Variants in SCFD1 observed in about 807,000 individuals in gnomAD.
SCFD1 encodes sec1 family domain-containing protein 1.
SCFD1 carries 37 observed loss-of-function variants against 103.2 expected under a neutral mutation model. The observed-to-expected ratio is 0.36, with a 90% CI of 0.28 to 0.47. The LOEUF (loss-of-function observed/expected upper bound fraction) is 0.47. SCFD1 is among the 20% of genes least tolerant of loss of function. The probability of loss-of-function intolerance (pLI) is 1.00; values close to 1 mark genes in which losing one functional copy is unlikely to be tolerated. For missense variants in SCFD1, 639 were observed against 761.2 expected (o/e 0.84, Z 1.89); for synonymous variants, 264 against 245.0 (o/e 1.08, Z -0.73).
chr14:30,662,485 C>T (rs1013304385), intron 10 of SCFD1, among the ~76,000 whole-genome samples: 1 of 151,522 alleles, frequency 6.6e-6, no homozygotes, highest in Admixed American at 6.6e-5. Flanking sequence ...TAAATAGATT[C>T]TCCCTTGTAT....
chr14:30,638,472 A>G (rs1013681430), intron 5 of SCFD1, among the ~76,000 whole-genome samples: 1 of 152,232 alleles, frequency 6.6e-6, no homozygotes, highest in African/African-American at 2.4e-5. Context: ...TTTGAAAGAC[A>G]GAAATAAAAA....
intron 14 of SCFD1, among the ~76,000 whole-genome samples, chr14:30,681,696 T>C (rs1889499109): frequency 6.6e-6 from 1 of 151,948 alleles, no homozygotes; most frequent in African/African-American, 2.4e-5. Context: ...AAAAAACCTC[T>C]GTCAGAAAGA....
chr14:30,644,029 A>G lies in SCFD1; in HGVS notation c.613+624A>G, dbSNP rs73251171. The G allele has an allele frequency of 1.8e-3, 831 of 455,678 alleles. 8 individuals are homozygous for G. Among genetic ancestry groups the G allele is most frequent in the African/African-American group, 0.016 (780 of 50,126 alleles). 28.2% of individuals were successfully genotyped at this position (455,678 alleles called of 1,614,324 possible). ...ATCCTCTATGCTCAGGTAGACCCCA[A>G]TATCTATTATTCTCATCTTTGTGTC... On this transcript the variant is annotated intron_variant, in intron 7 of 24. Coordinates refer to ENST00000458591, the MANE Select transcript of SCFD1 (RefSeq NM_016106.4).
intron 15 of SCFD1, among the ~76,000 whole-genome samples, chr14:30,698,932 A>C (rs1890885408): frequency 6.6e-6 from 1 of 152,204 alleles, no homozygotes; most frequent in South Asian, 2.1e-4. Context: ...CCCAGTCCCC[A>C]GACTGACCAC....
At chr14:30,635,506 A>G (rs1390182529) in intron 4 of SCFD1, among the ~76,000 whole-genome samples, 1 of 152,106 alleles carries the variant, frequency 6.6e-6, no homozygotes, top group Non-Finnish European at 1.5e-5. Flanking sequence ...ATGAAATCCT[A>G]TAATATGTGG....
rs541729105 is a variant in SCFD1 at position 30,733,124 on chromosome 14, C to T, written c.1837-1666C>T. Among the ~76,000 whole-genome samples the T allele has an allele frequency of 2.0e-5, 3 of 152,052 alleles. No homozygotes were observed. The South Asian group carries it at 6.2e-4, about 32-fold the overall frequency. On this transcript the variant is annotated intron_variant, in intron 23 of 24. Transcript: ENST00000458591. ...GAGTTCAATCAATCAGTTCTCCTGC[C>T]TTAGCCTCCTGGGTAGCTGGGATTA... is the stretch of plus-strand genomic sequence containing the variant.
Position 30,684,276 on chromosome 14 carries a change from G to A in SCFD1, c.1242+9211G>A, listed in dbSNP as rs73253023. Among the ~76,000 whole-genome samples the A allele has an allele frequency of 8.9e-3, 1,353 of 152,286 alleles. 23 individuals carry two copies. Among genetic ancestry groups the A allele is most frequent in the African/African-American group, 0.03 (1,258 of 41,556 alleles). On this transcript the variant is annotated intron_variant, in intron 14 of 24. Coordinates refer to ENST00000458591, the MANE Select transcript of SCFD1 (RefSeq NM_016106.4). ...TCCTCATGCCTCAACTTCCTGAATA[G>A]CTGGGATTACAGGTGCATGCCACAG...
intron 1 of SCFD1, among the ~76,000 whole-genome samples, chr14:30,624,591 T>C (rs1056525057): frequency 1.3e-5 from 2 of 152,242 alleles, no homozygotes; most frequent in African/African-American, 4.8e-5. Flanking sequence ...TCCGAGGTCC[T>C]GTCCACCATG....
At chr14:30,656,356 C>A (rs1244756729) in intron 10 of SCFD1, among the ~76,000 whole-genome samples, 1 of 152,140 alleles carries the variant, frequency 6.6e-6, no homozygotes, top group Admixed American at 6.5e-5. Context: ...ATAAGAGCGT[C>A]CTGCAGGTGG....
At chr14:30,674,878 T>A in intron 13 of SCFD1, 106 bp from the exon 14 acceptor site, 4 of 542,546 alleles carry the variant, frequency 7.4e-6, no homozygotes, top group Non-Finnish European at 1.3e-5. Context: ...ATCTTGTTAC[T>A]GTTTCACTGT....
intron 14 of SCFD1, among the ~76,000 whole-genome samples, chr14:30,694,462 A>G (rs1890546600): frequency 6.6e-6 from 1 of 152,092 alleles, no homozygotes; most frequent in Admixed American, 6.5e-5. Flanking sequence ...GCTTGAGCTC[A>G]GGAGTTTAAG....
chr14:30,648,773 A>G (rs10141944), intron 7 of SCFD1, among the ~76,000 whole-genome samples: 49,369 of 151,844 alleles, frequency 0.33, 9,107 homozygotes, highest in East Asian at 0.62. Flanking sequence ...GGCACACACC[A>G]CCATGCCCAG....
At chr14:30,735,468 A>G in intron 24 of SCFD1, 118 bp from the exon 25 acceptor site, 2 of 718,926 alleles carry the variant, frequency 2.8e-6, no homozygotes, top group Non-Finnish European at 4.9e-6. Flanking sequence ...TTATTATTCT[A>G]GGAATGCAGT....
intron 14 of SCFD1, among the ~76,000 whole-genome samples, chr14:30,679,852 C>A (rs1197890350): frequency 6.6e-6 from 1 of 152,136 alleles, no homozygotes; most frequent in Non-Finnish European, 1.5e-5. Context: ...AGTGAAAGTT[C>A]TTATTACCTT....
chr14:30,697,640 G>A (rs1215155206), intron 15 of SCFD1, among the ~76,000 whole-genome samples: 1 of 152,160 alleles, frequency 6.6e-6, no homozygotes, highest in Admixed American at 6.5e-5. Context: ...AAGGCTGAGA[G>A]GTAAAGGGCT....
chr14:30,702,655 A>G (rs1441866190), intron 17 of SCFD1, among the ~76,000 whole-genome samples: 3 of 152,208 alleles, frequency 2.0e-5, no homozygotes, highest in Non-Finnish European at 4.4e-5. Flanking sequence ...TCTCCAAGGC[A>G]TTAAGAGGAA....
chr14:30,701,579 A>G (rs181450998), intron 16 of SCFD1, among the ~76,000 whole-genome samples: 55 of 152,278 alleles, frequency 3.6e-4, no homozygotes, highest in African/African-American at 9.9e-4. Flanking sequence ...TCTCTCATCA[A>G]CAGGGGTTTA....
chr14:30,622,291 A>G (rs748409071), upstream of SCFD1: 1 of 1,591,576 alleles, frequency 6.3e-7, no homozygotes, highest in South Asian at 1.1e-5. Context: ...CAGCCACGTC[A>G]TCCCCCCGCT....
At chr14:30,704,876 T>C (rs1442574380) in intron 17 of SCFD1, among the ~76,000 whole-genome samples, 4 of 152,184 alleles carry the variant, frequency 2.6e-5, no homozygotes, top group Non-Finnish European at 5.9e-5. Flanking sequence ...AAATCATATA[T>C]GTTAAATAGG....
Sources: gnomAD v4.1 joint callset for allele counts (sites outside exome capture counted in the v4.1 genomes callset) on GRCh38, gnomAD v4.1.1 for gene constraint, MANE v1.5 for transcripts, NCBI Gene and HGNC (gene_info 2026-07-23, HGNC 2026-07-21) for gene names.